Variants in ARHGAP22 observed in about 807,000 individuals in gnomAD.
ARHGAP22 encodes the protein Rho GTPase activating protein 22.
ARHGAP22 carries 48 observed loss-of-function variants against 59.1 expected under a neutral mutation model. The ratio of observed to expected loss-of-function variants is 0.81; its 90% CI spans 0.64 to 1.03. The LOEUF (loss-of-function observed/expected upper bound fraction) is 1.03. Among genes scored for constraint, ARHGAP22 ranks in the 50% least tolerant of loss-of-function variants. ARHGAP22 has a pLI of 0.00. For synonymous variants in ARHGAP22, 445 were observed against 416.4 expected (o/e 1.07, Z -0.84); for missense variants, 1,015 against 958.7 (o/e 1.06, Z -0.78).
chr10:48,459,768 CCCT>C lies in ARHGAP22; in HGVS notation c.572_574del (p.Glu191del). 6.2e-7 allele frequency: 1 copy of C among 1,614,054 alleles called. No homozygotes were observed. The highest frequency in any genetic ancestry group is 1.1e-5 in the South Asian group (1 of 91,090). Reference sequence around the variant, plus strand: ...GGCCTGGCCTGGCATGCGGAACAGCCCCTCCTCAGTGAGCCCGCGCTCCCGGAT... The same window carrying C: ...GGCCTGGCCTGGCATGCGGAACAGCCCCTCAGTGAGCCCGCGCTCCCGGAT... On this transcript the variant is annotated inframe_deletion, in exon 5 of 10. Transcript: ENST00000249601.
At chr10:48,460,886 G>A (rs2047072943) in intron 4 of ARHGAP22, among the ~76,000 whole-genome samples, 1 of 152,170 alleles carries the variant, frequency 6.6e-6, no homozygotes, top group African/African-American at 2.4e-5. Flanking sequence ...ATTCACAAAA[G>A]GACAAATACT....
At chr10:48,470,921 G>A (rs1212481593) in intron 4 of ARHGAP22, among the ~76,000 whole-genome samples, 2 of 152,192 alleles carry the variant, frequency 1.3e-5, no homozygotes, top group Admixed American at 6.5e-5. Context: ...CCTGGCCTGG[G>A]GGTAATCACC....
intron 3 of ARHGAP22, among the ~76,000 whole-genome samples, chr10:48,549,696 T>C (rs1445626698): frequency 6.6e-6 from 1 of 152,160 alleles, no homozygotes; most frequent in Non-Finnish European, 1.5e-5. Flanking sequence ...CTTGGAATAA[T>C]AATTATTAGA....
chr10:48,621,112 G>T (rs1323993437), intron 1 of ARHGAP22, among the ~76,000 whole-genome samples: 3 of 152,204 alleles, frequency 2.0e-5, no homozygotes, highest in Non-Finnish European at 4.4e-5. Flanking sequence ...GGCCATCCAG[G>T]CTATTCCTAC....
At chr10:48,590,529 TC>T (rs1053832348) in intron 1 of ARHGAP22, among the ~76,000 whole-genome samples, 1 of 152,106 alleles carries the variant, frequency 6.6e-6, no homozygotes, top group African/African-American at 2.4e-5. Flanking sequence ...GTCTACCTGT[TC>T]CCCATAGCCC....
chr10:48,653,232 C>T (rs1241142398), upstream of ARHGAP22, among the ~76,000 whole-genome samples: 1 of 152,250 alleles, frequency 6.6e-6, no homozygotes, highest in African/African-American at 2.4e-5. Context: ...ACCTGAAACA[C>T]CTTTCAATTG....
chr10:48,471,728 C>G (rs1187091016), intron 4 of ARHGAP22, among the ~76,000 whole-genome samples: 2 of 152,250 alleles, frequency 1.3e-5, no homozygotes, highest in Non-Finnish European at 2.9e-5. Context: ...GATTTGGAAT[C>G]TGATCACTTT....
At chr10:48,548,841 C>T (rs977545484) in intron 3 of ARHGAP22, among the ~76,000 whole-genome samples, 1 of 152,224 alleles carries the variant, frequency 6.6e-6, no homozygotes, top group African/African-American at 2.4e-5. Context: ...AGTCTCAGTC[C>T]CTTTGTGGGG....
In ARHGAP22 at chr10:48,616,038, T is replaced by C. The variant is rs1025694936; in HGVS notation, c.53-32886A>G. Among the ~76,000 whole-genome samples the C allele has an allele frequency of 2.6e-5, 4 of 152,144 alleles. No homozygotes were observed. The East Asian group carries it at 7.7e-4, about 29-fold the overall frequency. ...TCAAGTACAAGAACACCCTGTTGTA[T>C]TGAGCTCTGCTTTATTGTGCTTCAC... On this transcript the variant is annotated intron_variant, in intron 1 of 9. Coordinates refer to the ARHGAP22 transcript ENST00000435790.
In ARHGAP22 at chr10:48,493,522, A is replaced by G; in HGVS notation, c.323-13758T>C. The G allele has an allele frequency of 3.3e-6, 5 of 1,534,212 alleles. No individual in the cohort carries two copies. In the South Asian group the frequency reaches 6.0e-5, roughly 18 times the overall value. ...GAGCAGCGGGGGCTGCAGTGAGAGG[A>G]GCAGTGGCCAGACACACCTGTTGGG... On this transcript the variant is annotated intron_variant, in intron 3 of 9. Transcript: ENST00000249601.
At chr10:48,597,667 T>A (rs1013243574) in intron 1 of ARHGAP22, among the ~76,000 whole-genome samples, 3 of 152,150 alleles carry the variant, frequency 2.0e-5, no homozygotes, top group African/African-American at 7.2e-5. Flanking sequence ...GCCTCTCTCC[T>A]CTCTTCTGGA....
intron 2 of ARHGAP22, among the ~76,000 whole-genome samples, chr10:48,564,377 T>C (rs1010777076): frequency 3.3e-5 from 5 of 152,002 alleles, no homozygotes; most frequent in African/African-American, 1.2e-4. Context: ...ACCAGAAAAA[T>C]AATTTTAATA....
chr10:48,526,939 C>T (rs10857593), intron 3 of ARHGAP22, among the ~76,000 whole-genome samples: 71,213 of 152,036 alleles, frequency 0.47, 17,188 homozygotes, highest in African/African-American at 0.58. Flanking sequence ...TACACATTGT[C>T]TTTTTATAGT....
chr10:48,545,820 A>G (rs2056384564), intron 3 of ARHGAP22, among the ~76,000 whole-genome samples: 1 of 152,184 alleles, frequency 6.6e-6, no homozygotes, highest in South Asian at 2.1e-4. Context: ...GACCTTGTGT[A>G]GCCATAAGAC....
At chr10:48,652,180 G>T in intron 1 of ARHGAP22, 1 of 1,490,074 alleles carries the variant, frequency 6.7e-7, no homozygotes, top group South Asian at 1.2e-5. Context: ...CCTCAAGCAA[G>T]AAGTCAAATG....
chr10:48,528,481 G>A (rs571611441), intron 3 of ARHGAP22, among the ~76,000 whole-genome samples: 1 of 152,178 alleles, frequency 6.6e-6, no homozygotes, highest in Non-Finnish European at 1.5e-5. Context: ...GGAGCTGTAG[G>A]GGACAGAAAG....
intron 1 of ARHGAP22, among the ~76,000 whole-genome samples, chr10:48,610,279 CAGA>C (rs2060832654): frequency 6.6e-6 from 1 of 152,136 alleles, no homozygotes; most frequent in African/African-American, 2.4e-5. Context: ...GGATCCTGAA[CAGA>C]AGGACAAAGA....
chr10:48,523,160 G>A (rs1339540715), intron 3 of ARHGAP22, among the ~76,000 whole-genome samples: 1 of 152,192 alleles, frequency 6.6e-6, no homozygotes, highest in Non-Finnish European at 1.5e-5. Context: ...TGGTTTACAG[G>A]CAAGGCTTCC....
At chr10:48,627,295 G>C (rs929483428) in intron 1 of ARHGAP22, among the ~76,000 whole-genome samples, 1 of 152,240 alleles carries the variant, frequency 6.6e-6, no homozygotes, top group African/African-American at 2.4e-5. Context: ...GCATAGCCAA[G>C]TAGGACGGAG....
Sources: allele counts gnomAD v4.1 joint callset (sites outside exome capture counted in the v4.1 genomes callset), GRCh38; gene constraint gnomAD v4.1.1; transcripts MANE v1.5; gene names NCBI Gene and HGNC (gene_info 2026-07-23, HGNC 2026-07-21).